UNC13B: variants seen among roughly 807,000 people sequenced by gnomAD.
UNC13B encodes the protein unc-13 homolog B.
In UNC13B, 144 loss-of-function variants were observed where a neutral mutation model predicts 211.0. That is an observed-to-expected ratio of 0.68 (90% confidence interval 0.60 to 0.78). UNC13B has a LOEUF of 0.78. UNC13B is among the 30% of genes least tolerant of loss of function. The pLI is 0.00. For missense variants in UNC13B, 1,777 were observed against 2,002.0 expected, an observed-to-expected ratio of 0.89 and a Z score of 2.14; for synonymous variants, 709 against 725.8, an observed-to-expected ratio of 0.98 and a Z score of 0.37.
At chr9:35,171,793 G>A (rs1263221465) in intron 1 of UNC13B, among the ~76,000 whole-genome samples, 1 of 152,162 alleles carries the variant, frequency 6.6e-6, no homozygotes, top group Non-Finnish European at 1.5e-5. Context: ...TTGCTATGTA[G>A]TATCTTGTTA....
intron 1 of UNC13B, among the ~76,000 whole-genome samples, chr9:35,165,975 G>A (rs1462618892): frequency 1.3e-5 from 2 of 152,116 alleles, no homozygotes; most frequent in African/African-American, 4.8e-5. Context: ...AGCATTTTTA[G>A]AATCAGACCT....
chr9:35,198,399 T>A (rs939442338), intron 1 of UNC13B, among the ~76,000 whole-genome samples: 4 of 152,194 alleles, frequency 2.6e-5, no homozygotes, highest in Non-Finnish European at 5.9e-5. Context: ...GATCATACGT[T>A]TCCTGAAGCA....
At chr9:35,348,912 A>T (rs1380153550) in intron 11 of UNC13B, among the ~76,000 whole-genome samples, 1 of 151,958 alleles carries the variant, frequency 6.6e-6, no homozygotes, top group Non-Finnish European at 1.5e-5. Flanking sequence ...TACTAAGCTT[A>T]CTAAGCAATT....
chr9:35,358,154 G>A (rs1265164725), intron 11 of UNC13B, among the ~76,000 whole-genome samples: 1 of 152,178 alleles, frequency 6.6e-6, no homozygotes, highest in African/African-American at 2.4e-5. Context: ...GAATTTTTAA[G>A]GCTGCATCGT....
Position 35,359,159 on chromosome 9 carries a change from A to G in UNC13B, c.9415-7788A>G, listed in dbSNP as rs186451850. On this transcript the variant is annotated intron_variant, in intron 11 of 39. Transcript: ENST00000635942. ...GTCAAAAATCAATGACCATAAATGT[A>G]AGAGTTTATGTCTGGACTCAATTCT... 3.6e-3 allele frequency among the ~76,000 whole-genome samples: 553 copies of G among 152,262 alleles called. 2 individuals carry two copies. The highest frequency in any genetic ancestry group is 0.012 in the African/African-American group (519 of 41,532).
chr9:35,388,178 C>A (rs1018485817), intron 24 of UNC13B, among the ~76,000 whole-genome samples: 1 of 152,096 alleles, frequency 6.6e-6, no homozygotes, highest in Non-Finnish European at 1.5e-5. Context: ...GAAGCCGGGG[C>A]GGGTGGATCA....
intron 7 of UNC13B, among the ~76,000 whole-genome samples, chr9:35,293,731 T>A (rs1445375811): frequency 6.6e-6 from 1 of 152,218 alleles, no homozygotes; most frequent in African/African-American, 2.4e-5. Context: ...TCAGAATGCT[T>A]TGTAAGCAGA....
At chr9:35,181,788 G>C (rs1214890372) in intron 1 of UNC13B, among the ~76,000 whole-genome samples, 1 of 152,174 alleles carries the variant, frequency 6.6e-6, no homozygotes, top group Non-Finnish European at 1.5e-5. Context: ...AGTGAGGCCA[G>C]ATCAGCCACT....
rs1166111332 is a variant in UNC13B, at chr9:35,226,560, T to A, written c.23-1455T>A. On this transcript the variant is annotated intron_variant, in intron 1 of 39. Transcript: ENST00000635942. ...AAGTAGGGAAGCCGACAGTGCAGCCTTCAGTCTGTGGTCAAAGGCCCGAGA... is the reference window on the plus strand; with the variant it reads ...AAGTAGGGAAGCCGACAGTGCAGCCATCAGTCTGTGGTCAAAGGCCCGAGA... Among the ~76,000 whole-genome samples the A allele has an allele frequency of 2.6e-5, 4 of 152,272 alleles. No homozygotes were observed. The East Asian group carries it at 5.8e-4, about 22-fold the overall frequency.
intron 21 of UNC13B, among the ~76,000 whole-genome samples, chr9:35,382,896 T>G (rs923320196): frequency 2.0e-5 from 3 of 152,040 alleles, no homozygotes; most frequent in African/African-American, 7.3e-5. Flanking sequence ...TCCTATAGAG[T>G]TACTTGATGT....
chr9:35,252,784 G>C (rs1826583971), intron 6 of UNC13B, among the ~76,000 whole-genome samples: 1 of 151,988 alleles, frequency 6.6e-6, no homozygotes, highest in African/African-American at 2.4e-5. Flanking sequence ...CAAAAAATTA[G>C]CCGGGCGTGT....
intron 1 of UNC13B, among the ~76,000 whole-genome samples, chr9:35,184,400 T>G (rs537785208): frequency 4.6e-5 from 7 of 152,240 alleles, no homozygotes; most frequent in African/African-American, 1.4e-4. Flanking sequence ...ATCAAGCCAC[T>G]GCACTCCAGC....
intron 11 of UNC13B, among the ~76,000 whole-genome samples, chr9:35,336,276 C>T (rs1449372127): frequency 6.6e-6 from 1 of 151,394 alleles, no homozygotes; most frequent in African/African-American, 2.4e-5. Context: ...TTTTTTTTCT[C>T]CTCCACTTCC....
chr9:35,162,027 C>A lies in UNC13B; in HGVS notation c.-257C>A. On this transcript the variant is annotated 5_prime_UTR_variant, in exon 1 of 40. Transcript: ENST00000635942. ...GGGAGGGAGTCCCGGCAGCTCCTACCTCCCAGCGATGGCGTCGCTGTGCCG... is the reference window on the plus strand; with the variant it reads ...GGGAGGGAGTCCCGGCAGCTCCTACATCCCAGCGATGGCGTCGCTGTGCCG... 1.8e-6 allele frequency: 1 copy of A among 547,568 alleles called. No homozygotes were observed. Among genetic ancestry groups the A allele is most frequent in the African/African-American group, 2.0e-5 (1 of 49,530 alleles). The allele number at this position is 547,568 out of a possible 1,614,324, so 33.9% of individuals were successfully genotyped here. A position where few individuals can be genotyped will look rare whatever the true frequency, so the allele number is the denominator to read the frequency against.
chr9:35,363,332 C>T (rs1833553603), intron 11 of UNC13B, among the ~76,000 whole-genome samples: 1 of 151,992 alleles, frequency 6.6e-6, no homozygotes. Flanking sequence ...GGTACATTTC[C>T]AGTTTGAGTC....
chr9:35,297,604 CA>C (rs762956133), intron 8 of UNC13B, among the ~76,000 whole-genome samples: 26 of 136,074 alleles, frequency 1.9e-4, no homozygotes, highest in Non-Finnish European at 2.3e-4. Flanking sequence ...GGCCGGACTG[CA>C]GTGGCGCTAT....
At chr9:35,380,285 G>A (rs778748644) in intron 17 of UNC13B, among the ~76,000 whole-genome samples, 185 bp from the exon 18 acceptor site, 8 of 152,192 alleles carry the variant, frequency 5.3e-5, no homozygotes, top group Admixed American at 1.3e-4. Context: ...CACCCAGGCC[G>A]AGGAATGAAG....
chr9:35,222,470 A>G (rs1824614688), intron 1 of UNC13B, among the ~76,000 whole-genome samples: 1 of 152,204 alleles, frequency 6.6e-6, no homozygotes, highest in South Asian at 2.1e-4. Context: ...TTATTATTAC[A>G]TGCACATGTG....
chr9:35,252,705 C>A (rs1317904246), intron 6 of UNC13B, among the ~76,000 whole-genome samples: 1 of 151,974 alleles, frequency 6.6e-6, no homozygotes, highest in Non-Finnish European at 1.5e-5. Context: ...CCGAGACGGG[C>A]GGATCACGAG....
Sources: allele counts gnomAD v4.1 joint callset (sites outside exome capture counted in the v4.1 genomes callset), GRCh38; gene constraint gnomAD v4.1.1; transcripts MANE v1.5; gene names NCBI Gene and HGNC (gene_info 2026-07-23, HGNC 2026-07-21).